MTFMT: variants seen among roughly 807,000 people sequenced by gnomAD.
MTFMT encodes mitochondrial methionyl-tRNA formyltransferase.
Under a neutral mutation model 51.8 loss-of-function variants are expected in MTFMT, and 47 were observed. That is an observed-to-expected ratio of 0.91 (90% CI 0.72 to 1.16). The LOEUF (loss-of-function observed/expected upper bound fraction) is 1.16. MTFMT is among the 50% of genes most tolerant of loss of function. The pLI is 0.00. For synonymous variants in MTFMT, 196 were observed against 176.7 expected, an observed-to-expected ratio of 1.11 and a Z score of -0.87; for missense variants, 512 against 482.3, an observed-to-expected ratio of 1.06 and a Z score of -0.58.
chr15:65,007,362 C>T (rs1211775218), intron 6 of MTFMT, among the ~76,000 whole-genome samples: 1 of 152,188 alleles, frequency 6.6e-6, no homozygotes, highest in Non-Finnish European at 1.5e-5. Flanking sequence ...TGTTATGTGA[C>T]CATAAAGCAT....
chr15:65,027,463 T>C (rs2086435520), intron 1 of MTFMT, among the ~76,000 whole-genome samples: 1 of 152,184 alleles, frequency 6.6e-6, no homozygotes. Context: ...CCTCCCAAAG[T>C]GCTGGGATTA....
chr15:65,029,614 C>A lies in MTFMT; in HGVS notation c.-1G>T, dbSNP rs1209712181. On this transcript the variant is annotated 5_prime_UTR_variant, in exon 1 of 9. Coordinates refer to ENST00000220058, the MANE Select transcript of MTFMT (RefSeq NM_139242.4). ...AACAGCGCCGCACCAACACCCTCAT[C>A]GCCTCGGCCGCCGGCGGCCGGCCCT... The A allele has an allele frequency of 1.4e-6, 2 of 1,387,906 alleles. No homozygotes were observed. Among genetic ancestry groups the A allele is most frequent in the Non-Finnish European group, 1.9e-6 (2 of 1,067,354 alleles). The allele number at this position is 1,387,906 out of a possible 1,614,324, so 86.0% of individuals were successfully genotyped here. A position where few individuals can be genotyped will look rare whatever the true frequency, so the allele number is the denominator to read the frequency against.
chr15:65,027,886 C>T (rs932267847), intron 1 of MTFMT, among the ~76,000 whole-genome samples: 1 of 152,136 alleles, frequency 6.6e-6, no homozygotes, highest in Non-Finnish European at 1.5e-5. Flanking sequence ...AACCATGATG[C>T]CATTCAAACA....
rs987018334 is a variant in MTFMT, at chr15:65,001,877, A to T, written c.*1185T>A. 6.6e-6 allele frequency: 1 copy of T among 151,490 alleles called. No homozygotes were observed. Among genetic ancestry groups the T allele is most frequent in the Non-Finnish European group, 1.5e-5 (1 of 67,876 alleles). The allele number at this position is 151,490 out of a possible 1,614,324, so 9.4% of individuals were successfully genotyped here. ...AGACCCCATCTCTAAAAAAATTAATAAAAAAAAATAAAATCTGGATGTAAA... is the reference window on the plus strand; with the variant it reads ...AGACCCCATCTCTAAAAAAATTAATTAAAAAAAATAAAATCTGGATGTAAA... On this transcript the variant is annotated 3_prime_UTR_variant, in exon 9 of 9. Transcript: ENST00000220058.
At position 65,002,868 on chromosome 15, in the gene MTFMT, CAGG is replaced by C. The variant is rs2086187323; in HGVS notation, c.*191_*193del. Reference sequence around the variant, plus strand: ...ATCCCAGCTACTCAGGAGGCTGAGGCAGGAGAATTGCTTGAACCTGGGAGGCGG... The same window carrying C: ...ATCCCAGCTACTCAGGAGGCTGAGGCAGAATTGCTTGAACCTGGGAGGCGG... On this transcript the variant is annotated 3_prime_UTR_variant, in exon 9 of 9. Transcript: ENST00000220058. 6.0e-6 allele frequency: 2 copies of C among 331,554 alleles called. No individual in the cohort carries two copies. The highest frequency in any genetic ancestry group is 5.4e-6 in the Non-Finnish European group (1 of 186,420). 20.5% of individuals were successfully genotyped at this position (331,554 alleles called of 1,614,324 possible).
intron 3 of MTFMT, among the ~76,000 whole-genome samples, chr15:65,022,477 C>T (rs1229115713): frequency 1.3e-5 from 2 of 151,358 alleles, no homozygotes; most frequent in Admixed American, 6.6e-5. Context: ...AAAGTAAATG[C>T]AAGTATATTT....
At chr15:65,006,050 G>T in intron 7 of MTFMT, 63 bp downstream of exon 7, 1 of 1,137,392 alleles carries the variant, frequency 8.8e-7, no homozygotes, top group Non-Finnish European at 1.3e-6. Flanking sequence ...TGATAAAACA[G>T]ACGTATTTCC....
rs1228396068 is a variant in MTFMT at position 65,029,457 on chromosome 15, A to C, written c.157T>G (p.Phe53Val). The C allele has an allele frequency of 1.3e-6, 2 of 1,530,766 alleles. No homozygotes were observed. Among genetic ancestry groups the C allele is most frequent in the Non-Finnish European group, 1.8e-6 (2 of 1,141,248 alleles). 94.8% of individuals were successfully genotyped at this position (1,530,766 alleles called of 1,614,324 possible). The change falls in exon 1 of 9, where the codon TTC (phenylalanine) becomes GTC (valine). Residue 53 changes from phenylalanine (F) to valine (V), a missense_variant. Physicochemically the swap from Phe to Val is conservative, Grantham distance 50. Coordinates refer to ENST00000220058, the MANE Select transcript of MTFMT (RefSeq NM_139242.4). ...REKPPWRVLF[F>V]GTDQFAREAL... ...TCGCGGGCGAACTGGTCCGTGCCGAAGAAGAGCACCCGCCAGGGAGGCTTC... is the reference window on the plus strand; with the variant it reads ...TCGCGGGCGAACTGGTCCGTGCCGACGAAGAGCACCCGCCAGGGAGGCTTC...
intron 2 of MTFMT, among the ~76,000 whole-genome samples, chr15:65,025,428 T>C (rs1361799306): frequency 6.6e-6 from 1 of 151,366 alleles, no homozygotes; most frequent in Non-Finnish European, 1.5e-5. Context: ...AATAAATAAA[T>C]AAATAAATAC....
Position 65,029,438 on chromosome 15 carries a change from G to A in MTFMT, c.176C>T (p.Ala59Val). 6.6e-7 allele frequency: 1 copy of A among 1,508,324 alleles called. No homozygotes were observed. The highest frequency in any genetic ancestry group is 2.1e-5 in the Admixed American group (1 of 46,818). The allele number at this position is 1,508,324 out of a possible 1,614,324, so 93.4% of individuals were successfully genotyped here. Residue 59 changes from alanine (A) to valine (V), a missense_variant, in exon 1 of 9, where the codon GCC becomes GTC. Coordinates refer to ENST00000220058, the MANE Select transcript of MTFMT (RefSeq NM_139242.4). ...RVLFFGTDQFAREALRALHAA... is the reference protein window; with the variant it reads ...RVLFFGTDQFVREALRALHAA... ...GTGCAGCGCCCGCAGCGCCTCGCGG[G>A]CGAACTGGTCCGTGCCGAAGAAGAG...
Position 65,029,566 on chromosome 15 carries a change from G to A in MTFMT, c.48C>T (p.Gly16=). The A allele has an allele frequency of 1.3e-6, 2 of 1,501,340 alleles. No individual in the cohort carries two copies. Among genetic ancestry groups the A allele is most frequent in the South Asian group, 2.5e-5 (2 of 80,098 alleles). The allele number at this position is 1,501,340 out of a possible 1,614,324, so 93.0% of individuals were successfully genotyped here. A position where few individuals can be genotyped will look rare whatever the true frequency, so the allele number is the denominator to read the frequency against. The change falls in exon 1 of 9, where the codon GGC becomes GGT. Residue 16 remains glycine, a synonymous_variant. Coordinates refer to ENST00000220058, the MANE Select transcript of MTFMT (RefSeq NM_139242.4). Reference sequence around the variant, plus strand: ...GGGGACTCGGCCTCCCACGCCTGGCGCCATGAGCCAGCGGAGGACCCCAAC... The same window carrying A: ...GGGGACTCGGCCTCCCACGCCTGGCACCATGAGCCAGCGGAGGACCCCAAC... ...RRCWGPPLAH[G]ARRGRPSPQW...
Position 65,016,374 on chromosome 15 carries a change from A to C in MTFMT, c.813+62T>G. 3 of 902,118 alleles carry C rather than the reference A, an allele frequency of 3.3e-6. No individual in the cohort carries two copies. In the South Asian group the frequency reaches 5.3e-5, roughly 16 times the overall value. 55.9% of individuals were successfully genotyped at this position (902,118 alleles called of 1,614,324 possible). A position where few individuals can be genotyped will look rare whatever the true frequency, so the allele number is the denominator to read the frequency against. ...ATTATTCCTAAATAAAAATATTTAG[A>C]AAGCAAATTACACACATAGAAAACC... On this transcript the variant is annotated intron_variant, in intron 6 of 8. Transcript: ENST00000220058.
At chr15:65,004,965 C>T (rs1393328486) in intron 7 of MTFMT, 29 bp from the exon 8 acceptor site, 1 of 1,542,720 alleles carries the variant, frequency 6.5e-7, no homozygotes, top group Non-Finnish European at 8.9e-7. Context: ...AAAAGATATA[C>T]AAGAGAAAAA....
intron 6 of MTFMT, among the ~76,000 whole-genome samples, chr15:65,012,147 A>G (rs892212419): frequency 6.8e-6 from 1 of 148,010 alleles, no homozygotes; most frequent in Non-Finnish European, 1.5e-5. Flanking sequence ...AAAAAAAAAA[A>G]AAAAAAAAAA....
Position 65,022,531 on chromosome 15 carries a change from C to A in MTFMT, c.543-915G>T, listed in dbSNP as rs558622803. Among the ~76,000 whole-genome samples, 48 of 150,900 alleles carry A rather than the reference C, an allele frequency of 3.2e-4. 1 individual carries two copies. The highest frequency in any genetic ancestry group is 6.9e-3 in the Middle Eastern group (2 of 290). ...CATTTTATATCAAGCTCTGTAAACA[C>A]TGGTCATAGGTTTTCATGAGCAATA... On this transcript the variant is annotated intron_variant, in intron 3 of 8. Transcript: ENST00000220058.
intron 5 of MTFMT, among the ~76,000 whole-genome samples, chr15:65,017,200 T>C (rs1358031434): frequency 6.6e-6 from 1 of 151,624 alleles, no homozygotes; most frequent in Non-Finnish European, 1.5e-5. Flanking sequence ...TATTATGAAA[T>C]ATAAGTACTC....
At chr15:65,021,450 T>C in intron 4 of MTFMT, 64 bp downstream of exon 4, 1 of 1,237,682 alleles carries the variant, frequency 8.1e-7, no homozygotes, top group Non-Finnish European at 1.2e-6. Flanking sequence ...TTGTTCTTCT[T>C]TTTATAACCA....
chr15:65,013,460 C>T (rs1234117031), intron 6 of MTFMT, among the ~76,000 whole-genome samples: 1 of 152,074 alleles, frequency 6.6e-6, no homozygotes, highest in Non-Finnish European at 1.5e-5. Flanking sequence ...CATAGATGTC[C>T]TTTATCAAGT....
intron 2 of MTFMT, 43 bp from the exon 3 acceptor site, chr15:65,023,837 C>T (rs760543835): frequency 6.4e-7 from 1 of 1,551,248 alleles, no homozygotes; most frequent in Non-Finnish European, 8.7e-7. Context: ...GTGGGCTTTA[C>T]CACTTCGTTA....
Sources: gnomAD v4.1 joint callset for allele counts (sites outside exome capture counted in the v4.1 genomes callset) on GRCh38, gnomAD v4.1.1 for gene constraint, MANE v1.5 for transcripts, NCBI Gene and HGNC (gene_info 2026-07-23, HGNC 2026-07-21) for gene names.